Variants in MYO5A observed in about 807,000 individuals in gnomAD.
MYO5A encodes myosin VA, also known as unconventional myosin-Va.
MYO5A carries 98 observed loss-of-function variants against 249.7 expected under a neutral mutation model. That is an observed-to-expected ratio of 0.39 (90% confidence interval 0.33 to 0.46). The LOEUF (loss-of-function observed/expected upper bound fraction) is 0.46, where lower values mean the gene tolerates loss of function less well. MYO5A is among the 20% of genes least tolerant of loss of function. The pLI, the probability that MYO5A is intolerant of heterozygous loss-of-function variation, is 0.98. For synonymous variants in MYO5A, 778 were observed against 810.6 expected (o/e 0.96, Z 0.68); for missense variants, 1,696 against 2,308.8 (o/e 0.73, Z 5.44).
chr15:52,370,147 G>A, intron 22 of MYO5A, 22 bp downstream of exon 22: 1 of 1,613,608 alleles, frequency 6.2e-7, no homozygotes, highest in Middle Eastern at 1.7e-4. Context: ...GGAGTAGATG[G>A]GGATATGGAC....
chr15:52,505,908 A>C, intron 1 of MYO5A: 1 of 1,394,470 alleles, frequency 7.2e-7, no homozygotes, highest in Admixed American at 2.4e-5. Context: ...TTGAAAGATT[A>C]AAAAAAAAAT....
chr15:52,495,037 TA>T (rs2077010525), intron 1 of MYO5A, among the ~76,000 whole-genome samples: 1 of 152,130 alleles, frequency 6.6e-6, no homozygotes, highest in South Asian at 2.1e-4. Context: ...AGATATATGA[TA>T]TATATATATC....
chr15:52,518,975 G>A (rs534982560), intron 1 of MYO5A, among the ~76,000 whole-genome samples: 1 of 152,280 alleles, frequency 6.6e-6, no homozygotes, highest in Admixed American at 6.5e-5. Context: ...GGTGTGGGAT[G>A]TATATATACT....
intron 1 of MYO5A, among the ~76,000 whole-genome samples, chr15:52,445,929 G>C (rs369393653): frequency 6.6e-6 from 1 of 152,236 alleles, no homozygotes; most frequent in Non-Finnish European, 1.5e-5. Flanking sequence ...GCGACTTAAA[G>C]TTGGAATATA....
intron 1 of MYO5A, among the ~76,000 whole-genome samples, chr15:52,449,038 G>A (rs1249095399): frequency 7.8e-6 from 1 of 128,102 alleles, no homozygotes; most frequent in Non-Finnish European, 1.5e-5. Context: ...GCACAATCTC[G>A]GCTCACTGCA....
rs1174573733 is a variant in MYO5A, at chr15:52,386,363, A to C, written c.1752+1466T>G. Among the ~76,000 whole-genome samples, 10 of 152,108 alleles carry C rather than the reference A, an allele frequency of 6.6e-5. 1 individual carries two copies. Among genetic ancestry groups the C allele is most frequent in the Admixed American group, 5.2e-4 (8 of 15,278 alleles). On this transcript the variant is annotated intron_variant, in intron 14 of 41. Transcript: ENST00000399233. Reference sequence around the variant, plus strand: ...AGCAAGAATCAGATGAAAACCTGTGAATGTTCTGTTTCAGCTAAATTACTT... The same window carrying C: ...AGCAAGAATCAGATGAAAACCTGTGCATGTTCTGTTTCAGCTAAATTACTT...
At chr15:52,488,992 A>C (rs1352188638) in intron 1 of MYO5A, among the ~76,000 whole-genome samples, 2 of 152,236 alleles carry the variant, frequency 1.3e-5, no homozygotes, top group African/African-American at 4.8e-5. Flanking sequence ...TAGCATAACT[A>C]AATTTAGAAC....
At chr15:52,501,889 AC>A (rs2077166612) in intron 1 of MYO5A, among the ~76,000 whole-genome samples, 1 of 148,890 alleles carries the variant, frequency 6.7e-6, no homozygotes, top group Non-Finnish European at 1.5e-5. Flanking sequence ...ACACACACAC[AC>A]ACACACACAC....
rs145970680 is a variant in MYO5A at position 52,332,711 on chromosome 15, C to T, written c.4409-2212G>A. On this transcript the variant is annotated intron_variant, in intron 34 of 41. Coordinates refer to ENST00000399233, the MANE Select transcript of MYO5A (RefSeq NM_001382347.1). ...GGGCACAGTGACTCACACCTATAAT[C>T]AGAGCACTTTGGGAGGCCAAGGCAG... 8.2e-3 allele frequency among the ~76,000 whole-genome samples: 1,243 copies of T among 152,330 alleles called. 5 individuals carry two copies. Among genetic ancestry groups the T allele is most frequent in the Middle Eastern group, 0.051 (15 of 294 alleles).
At chr15:52,466,365 C>A (rs1049634885) in intron 1 of MYO5A, among the ~76,000 whole-genome samples, 1 of 152,148 alleles carries the variant, frequency 6.6e-6, no homozygotes, top group Non-Finnish European at 1.5e-5. Flanking sequence ...GGGCTCCCCC[C>A]AACCCCACCC....
At chr15:52,448,719 C>T (rs7181303) in intron 1 of MYO5A, among the ~76,000 whole-genome samples, 12,928 of 151,882 alleles carry the variant, frequency 0.085, 1,177 homozygotes, top group East Asian at 0.49. Context: ...CTTGTGATAG[C>T]GAATTATACC....
chr15:52,426,244 T>C (rs1051168217), intron 3 of MYO5A, among the ~76,000 whole-genome samples: 3 of 152,010 alleles, frequency 2.0e-5, no homozygotes, highest in African/African-American at 7.2e-5. Flanking sequence ...AATATCTTCA[T>C]ATATTTAATC....
intron 1 of MYO5A, among the ~76,000 whole-genome samples, chr15:52,440,260 T>C (rs899675428): frequency 6.8e-5 from 10 of 146,910 alleles, no homozygotes; most frequent in Non-Finnish European, 1.1e-4. Context: ...GCCATCTTTT[T>C]TTTTTCTTTT....
intron 1 of MYO5A, among the ~76,000 whole-genome samples, chr15:52,476,374 A>G (rs1443950124): frequency 1.3e-5 from 2 of 152,134 alleles, no homozygotes; most frequent in Admixed American, 6.5e-5. Context: ...TTTTAATTGG[A>G]GCATTTAGCC....
In MYO5A at chr15:52,400,758, T is replaced by C. The variant is rs185708344; in HGVS notation, c.1054-3292A>G. On this transcript the variant is annotated intron_variant, in intron 9 of 41. Coordinates refer to ENST00000399233, the MANE Select transcript of MYO5A (RefSeq NM_001382347.1). ...TATGTGATATTGATTGGTCTAAATA[T>C]TGGTACTATCAATTGTGATCACTTG... Among the ~76,000 whole-genome samples, 1,060 of 152,330 alleles carry C rather than the reference T, an allele frequency of 7.0e-3. 8 individuals carry two copies. The highest frequency in any genetic ancestry group is 9.1e-3 in the Non-Finnish European group (617 of 68,032).
Position 52,497,390 on chromosome 15 carries a change from G to A in MYO5A, c.27+31390C>T, listed in dbSNP as rs1352309208. 4.6e-5 allele frequency among the ~76,000 whole-genome samples: 7 copies of A among 151,620 alleles called. No homozygotes were observed. The South Asian group carries it at 1.5e-3, about 32-fold the overall frequency. On this transcript the variant is annotated intron_variant, in intron 1 of 41. Transcript: ENST00000399233. ...AGTGAAATTATGCTAGAAGTTGAGA[G>A]CAGATGTCCTGAAATAGCTTAAATA... is the stretch of plus-strand genomic sequence containing the variant.
At chr15:52,478,500 C>T (rs1472419304) in intron 1 of MYO5A, among the ~76,000 whole-genome samples, 1 of 152,168 alleles carries the variant, frequency 6.6e-6, no homozygotes, top group Non-Finnish European at 1.5e-5. Context: ...TCTTCTGCGT[C>T]GCTCATGCTG....
At chr15:52,388,385 T>A (rs1050578598) in intron 13 of MYO5A, among the ~76,000 whole-genome samples, 5 of 152,162 alleles carry the variant, frequency 3.3e-5, no homozygotes, top group Admixed American at 6.5e-5. Flanking sequence ...TGGGGAAATA[T>A]TGTATGATTT....
chr15:52,348,793 T>TAA (rs11386962), intron 29 of MYO5A, 25 bp downstream of exon 29: 61,038 of 1,180,524 alleles, frequency 0.052, 2 homozygotes, highest in Non-Finnish European at 0.057. Context: ...AAGTATTTAC[T>TAA]AAAAAAAAAA....
Sources: gnomAD v4.1 joint callset for allele counts (sites outside exome capture counted in the v4.1 genomes callset) on GRCh38, gnomAD v4.1.1 for gene constraint, MANE v1.5 for transcripts, NCBI Gene and HGNC (gene_info 2026-07-23, HGNC 2026-07-21) for gene names.